BAZ2B: variants seen among roughly 807,000 people sequenced by gnomAD.
BAZ2B encodes the protein bromodomain adjacent to zinc finger domain 2B.
In BAZ2B, 91 loss-of-function variants were observed where a neutral mutation model predicts 246.0. The ratio of observed to expected loss-of-function variants is 0.37; its 90% CI spans 0.31 to 0.44. The LOEUF (loss-of-function observed/expected upper bound fraction) is 0.44. Among genes scored for constraint, BAZ2B ranks in the 20% least tolerant of loss-of-function variants. The probability of loss-of-function intolerance (pLI) is 1.00; values close to 1 mark genes in which losing one functional copy is unlikely to be tolerated. For synonymous variants in BAZ2B, 855 were observed against 860.0 expected, an observed-to-expected ratio of 0.99 and a Z score of 0.10; for missense variants, 2,332 against 2,533.7, an observed-to-expected ratio of 0.92 and a Z score of 1.71.
the BAZ2B span, among the ~76,000 whole-genome samples, chr2:159,708,895 GAA>G: frequency 6.6e-6 from 1 of 152,038 alleles, no homozygotes; most frequent in Admixed American, 6.6e-5. Flanking sequence ...TTGGGGAATT[GAA>G]AGTTTTTGAT....
chr2:159,554,804 G>T lies in BAZ2B; in HGVS notation c.-3+1019C>A, dbSNP rs2088847393. Among the ~76,000 whole-genome samples the T allele has an allele frequency of 2.0e-5, 3 of 152,010 alleles. No individual in the cohort carries two copies. In the South Asian group the frequency reaches 6.2e-4, roughly 32 times the overall value. The stretch of plus-strand genomic sequence containing the variant: ...ATATAAAGTTCATGATTGTAATTCA[G>T]ATTTTATCACTTAGAATTTTCTAAT... On this transcript the variant is annotated intron_variant, in intron 2 of 36. Transcript: ENST00000392783.
At chr2:159,595,682 C>A (rs988581879) in intron 1 of BAZ2B, among the ~76,000 whole-genome samples, 2 of 152,224 alleles carry the variant, frequency 1.3e-5, no homozygotes, top group African/African-American at 4.8e-5. Context: ...AAAGCTGCCT[C>A]TTTACATATT....
At chr2:159,343,626 C>T (rs1461730764) in intron 31 of BAZ2B, among the ~76,000 whole-genome samples, 1 of 151,814 alleles carries the variant, frequency 6.6e-6, no homozygotes, top group African/African-American at 2.4e-5. Context: ...ATATACATGG[C>T]CAACAAATAT....
At chr2:159,540,114 G>A (rs1357336946) in intron 2 of BAZ2B, among the ~76,000 whole-genome samples, 2 of 152,158 alleles carry the variant, frequency 1.3e-5, no homozygotes, top group Admixed American at 6.5e-5. Context: ...AATGACAGAA[G>A]AAACTTCATC....
intron 8 of BAZ2B, among the ~76,000 whole-genome samples, chr2:159,436,322 G>A (rs183247791): frequency 6.6e-6 from 1 of 152,128 alleles, no homozygotes; most frequent in Non-Finnish European, 1.5e-5. Context: ...AATAGCCAAA[G>A]ATTTCTATAT....
the BAZ2B span, among the ~76,000 whole-genome samples, chr2:159,681,915 C>T: frequency 2.0e-5 from 3 of 149,060 alleles, no homozygotes; most frequent in African/African-American, 4.9e-5. Flanking sequence ...ACAGAGACTC[C>T]GTCTCAAAAA....
chr2:159,598,816 T>G lies in BAZ2B; in HGVS notation c.-46+17426A>C, dbSNP rs562335662. 1.6e-4 allele frequency among the ~76,000 whole-genome samples: 24 copies of G among 152,150 alleles called. No individual in the cohort carries two copies. In the East Asian group the frequency reaches 4.1e-3, roughly 26 times the overall value. On this transcript the variant is annotated intron_variant, in intron 1 of 36. Transcript: ENST00000392783. ...GTGTGCCAAGATTGAGCCACTGCAT[T>G]CCAGCCAGGGAGACAAGAGTGAGAC...
At chr2:159,569,552 T>A (rs530518143) in intron 1 of BAZ2B, among the ~76,000 whole-genome samples, 1 of 152,242 alleles carries the variant, frequency 6.6e-6, no homozygotes, top group Middle Eastern at 3.4e-3. Context: ...GTTGGTAGAT[T>A]TAGGATTTTA....
the BAZ2B span, among the ~76,000 whole-genome samples, chr2:159,688,889 C>A: frequency 6.6e-6 from 1 of 152,108 alleles, no homozygotes; most frequent in African/African-American, 2.4e-5. Flanking sequence ...TGAATCCTGT[C>A]GAGATGCATG....
At chr2:159,522,312 T>C (rs1004064149) in intron 2 of BAZ2B, among the ~76,000 whole-genome samples, 3 of 152,166 alleles carry the variant, frequency 2.0e-5, no homozygotes, top group African/African-American at 7.2e-5. Flanking sequence ...AAGAGCTATC[T>C]GTGCTATTGG....
At chr2:159,401,949 C>T (rs2065142164) in intron 16 of BAZ2B, among the ~76,000 whole-genome samples, 1 of 152,162 alleles carries the variant, frequency 6.6e-6, no homozygotes, top group South Asian at 2.1e-4. Flanking sequence ...TCTCCAGATG[C>T]TAGTTGTACC....
At chr2:159,603,684 A>G (rs1692726220) in intron 1 of BAZ2B, among the ~76,000 whole-genome samples, 1 of 151,862 alleles carries the variant, frequency 6.6e-6, no homozygotes, top group Non-Finnish European at 1.5e-5. Context: ...AAAAAAAAAC[A>G]AAACCCCAAA....
At chr2:159,702,507 T>C in the BAZ2B span, among the ~76,000 whole-genome samples, 2,506 of 152,258 alleles carry the variant, frequency 0.016, 27 homozygotes, top group Middle Eastern at 0.034. Context: ...CATACAACTT[T>C]ACAAAAAAAT....
At chr2:159,667,911 G>C in the BAZ2B span, among the ~76,000 whole-genome samples, 1 of 151,752 alleles carries the variant, frequency 6.6e-6, no homozygotes, top group African/African-American at 2.4e-5. Context: ...AGCTTTTCAG[G>C]TTCTCTCAAA....
chr2:159,403,602 T>A (rs35125508), intron 16 of BAZ2B, among the ~76,000 whole-genome samples: 54,092 of 152,064 alleles, frequency 0.36, 11,099 homozygotes, highest in Non-Finnish European at 0.49. Context: ...ACGAATGCAT[T>A]CACTAGCCTA....
At chr2:159,424,233 A>G (rs1230465085) in intron 13 of BAZ2B, among the ~76,000 whole-genome samples, 2 of 152,180 alleles carry the variant, frequency 1.3e-5, no homozygotes, top group South Asian at 2.1e-4. Context: ...TTTCTGAAAT[A>G]AAATACTGAT....
intron 2 of BAZ2B, among the ~76,000 whole-genome samples, chr2:159,508,807 A>G (rs1410195917): frequency 6.6e-6 from 1 of 152,170 alleles, no homozygotes; most frequent in Non-Finnish European, 1.5e-5. Context: ...ATGACCCATT[A>G]TATCTGTTAT....
intron 36 of BAZ2B, among the ~76,000 whole-genome samples, chr2:159,323,801 C>CAAAAA (rs70994291): frequency 7.8e-6 from 1 of 127,510 alleles, no homozygotes; most frequent in Non-Finnish European, 1.6e-5. Flanking sequence ...GAAACTCTCT[C>CAAAAA]AAAAAAAAAA....
the BAZ2B span, among the ~76,000 whole-genome samples, chr2:159,637,295 G>A: frequency 6.6e-6 from 1 of 152,198 alleles, no homozygotes; most frequent in Non-Finnish European, 1.5e-5. Context: ...ACCTGCCCTG[G>A]GAGGGGCTCC....
Sources: allele counts gnomAD v4.1 joint callset (sites outside exome capture counted in the v4.1 genomes callset), GRCh38; gene constraint gnomAD v4.1.1; transcripts MANE v1.5; gene names NCBI Gene and HGNC (gene_info 2026-07-23, HGNC 2026-07-21).